SAXO1: variants seen among roughly 807,000 people sequenced by gnomAD.
SAXO1 encodes the protein stabilizer of axonemal microtubules 1, also known as 4930500O09Rik.
Under a neutral mutation model 17.5 loss-of-function variants are expected in SAXO1, and 21 were observed. The ratio of observed to expected loss-of-function variants is 1.20; its 90% CI spans 0.85 to 1.72. The LOEUF (loss-of-function observed/expected upper bound fraction) is 1.72. Ranked by LOEUF, SAXO1 falls within the 40% of genes most tolerant of loss-of-function variation. The pLI, the probability that SAXO1 is intolerant of heterozygous loss-of-function variation, is 0.00. For synonymous variants in SAXO1, 274 were observed against 216.5 expected, an observed-to-expected ratio of 1.27 and a Z score of -2.33; for missense variants, 843 against 596.0, an observed-to-expected ratio of 1.41 and a Z score of -4.32.
chr9:19,036,339 T>C (rs1038404779), upstream of SAXO1, among the ~76,000 whole-genome samples: 3 of 151,872 alleles, frequency 2.0e-5, no homozygotes, highest in African/African-American at 7.3e-5. Flanking sequence ...CTGCAGAAAT[T>C]TGCATAAGTG....
At chr9:18,930,857 A>G (rs4977468) in intron 3 of SAXO1, among the ~76,000 whole-genome samples, 131,133 of 152,148 alleles carry the variant, frequency 0.86, 56,691 homozygotes, top group African/African-American at 0.92. Flanking sequence ...TTGCCCCATC[A>G]GGCCCATAAA....
At chr9:19,013,710 C>T (rs1174831151) in intron 1 of SAXO1, among the ~76,000 whole-genome samples, 1 of 151,892 alleles carries the variant, frequency 6.6e-6, no homozygotes, top group East Asian at 1.9e-4. Flanking sequence ...CCATGCCTGG[C>T]TAATTTTTGT....
At chr9:19,033,655 G>T (rs1261083001), upstream of SAXO1, among the ~76,000 whole-genome samples, 2 of 152,210 alleles carry the variant, frequency 1.3e-5, no homozygotes, top group Non-Finnish European at 2.9e-5. Context: ...GAACACAGTG[G>T]TTTAAGAGCG....
At chr9:18,994,614 C>A (rs538157460) in intron 1 of SAXO1, among the ~76,000 whole-genome samples, 2 of 152,292 alleles carry the variant, frequency 1.3e-5, no homozygotes, top group Non-Finnish European at 2.9e-5. Context: ...TGCTGCAATC[C>A]TAACAGAGAC....
Position 18,928,837 on chromosome 9 carries a change from G to A in SAXO1, c.640C>T (p.His214Tyr). The change falls in exon 4 of 4, where the codon CAC becomes TAC. Residue 214 changes from histidine to tyrosine, a missense_variant. His to Tyr is a moderately conservative substitution (Grantham distance 83). Transcript: ENST00000380534. ...TGCACAAAGCGCTTCTCCACGGGGT[G>A]GGCCACATAGCTCATCTTGTAGTTA... ...VTNYKMSYVA[H>Y]PVEKRFVHEA... is the part of the protein sequence containing the mutation. The A allele has an allele frequency of 6.2e-7, 1 of 1,614,158 alleles. No homozygotes were observed. Among genetic ancestry groups the A allele is most frequent in the Non-Finnish European group, 8.5e-7 (1 of 1,180,026 alleles).
chr9:19,030,726 A>G (rs1835726381), intron 1 of SAXO1, among the ~76,000 whole-genome samples: 1 of 152,152 alleles, frequency 6.6e-6, no homozygotes, highest in African/African-American at 2.4e-5. Flanking sequence ...AATAAGAAGA[A>G]GAAAAAGATT....
At chr9:19,029,214 G>A (rs575289799) in intron 1 of SAXO1, among the ~76,000 whole-genome samples, 3 of 152,306 alleles carry the variant, frequency 2.0e-5, no homozygotes, top group African/African-American at 7.2e-5. Context: ...AAGTTGAAAG[G>A]ACATTAAAGA....
intron 1 of SAXO1, among the ~76,000 whole-genome samples, chr9:19,021,068 C>A (rs1835213440): frequency 6.6e-6 from 1 of 152,234 alleles, no homozygotes; most frequent in South Asian, 2.1e-4. Flanking sequence ...CTGCTCTCCT[C>A]TAGCTGCCCA....
intron 1 of SAXO1, among the ~76,000 whole-genome samples, chr9:19,044,826 G>A (rs931325579): frequency 2.6e-5 from 4 of 151,884 alleles, no homozygotes; most frequent in East Asian, 1.9e-4. Context: ...TGGCGCCACT[G>A]CACTCCAGCC....
chr9:18,957,852 T>A (rs1376835444), intron 1 of SAXO1, among the ~76,000 whole-genome samples: 1 of 152,222 alleles, frequency 6.6e-6, no homozygotes, highest in Non-Finnish European at 1.5e-5. Context: ...TGCATTTGTG[T>A]TTACCTGCAG....
intron 1 of SAXO1, among the ~76,000 whole-genome samples, chr9:19,012,150 G>A (rs536497291): frequency 6.6e-5 from 10 of 152,184 alleles, no homozygotes; most frequent in African/African-American, 2.2e-4. Context: ...GGCAAGGATA[G>A]ATTTTTTTTA....
intron 1 of SAXO1, among the ~76,000 whole-genome samples, chr9:18,992,986 G>A (rs1588493849): frequency 6.6e-6 from 1 of 152,178 alleles, no homozygotes; most frequent in Non-Finnish European, 1.5e-5. Context: ...TTTTAGTAGA[G>A]ACAGGGTTTC....
intron 3 of SAXO1, among the ~76,000 whole-genome samples, chr9:18,937,263 C>T (rs1393687355): frequency 6.6e-6 from 1 of 152,196 alleles, no homozygotes; most frequent in African/African-American, 2.4e-5. Context: ...CACTTCTGCT[C>T]CTGGCCAGGA....
intron 1 of SAXO1, among the ~76,000 whole-genome samples, chr9:19,013,534 G>C (rs1032094652): frequency 1.3e-4 from 18 of 140,142 alleles, no homozygotes; most frequent in African/African-American, 4.8e-4. Flanking sequence ...GAAACTAAAA[G>C]TACGGATTTT....
intron 1 of SAXO1, among the ~76,000 whole-genome samples, chr9:19,020,245 C>T (rs1835165663): frequency 6.6e-6 from 1 of 152,126 alleles, no homozygotes; most frequent in South Asian, 2.1e-4. Context: ...TCCATTATGA[C>T]TATGTGTAAT....
In SAXO1 at chr9:19,027,960, G is replaced by T. The variant is rs1835574050; in HGVS notation, c.38+4911C>A. On this transcript the variant is annotated intron_variant, in intron 1 of 3. Transcript: ENST00000380534. ...CGTCAGTCCTGACGTGAACTGCGAG[G>T]GAGCTGACCCGCTGCACAGATGACT... 5 of 1,492,186 alleles carry T rather than the reference G, an allele frequency of 3.4e-6. No homozygotes were observed. In the South Asian group the frequency reaches 4.6e-5, roughly 14 times the overall value. The allele number at this position is 1,492,186 out of a possible 1,614,324, so 92.4% of individuals were successfully genotyped here.
intron 3 of SAXO1, among the ~76,000 whole-genome samples, chr9:18,932,920 T>TG (rs60180964): frequency 0.85 from 128,637 of 152,164 alleles, 54,455 homozygotes; most frequent in Middle Eastern, 0.89. Flanking sequence ...TGGTAATTTT[T>TG]TGGATTCCTT....
intron 3 of SAXO1, among the ~76,000 whole-genome samples, chr9:18,931,813 T>G (rs938194454): frequency 6.6e-6 from 1 of 152,254 alleles, no homozygotes; most frequent in Non-Finnish European, 1.5e-5. Context: ...GCTCTTCATG[T>G]GCTTTCATTG....
intron 1 of SAXO1, among the ~76,000 whole-genome samples, chr9:19,010,803 A>G (rs1309254767): frequency 6.6e-6 from 1 of 152,168 alleles, no homozygotes; most frequent in Non-Finnish European, 1.5e-5. Context: ...TGAGGAGGGG[A>G]AACCTTTCCT....
Sources: gnomAD v4.1 joint callset for allele counts (sites outside exome capture counted in the v4.1 genomes callset) on GRCh38, gnomAD v4.1.1 for gene constraint, MANE v1.5 for transcripts, NCBI Gene and HGNC (gene_info 2026-07-23, HGNC 2026-07-21) for gene names.